Variants in SORCS1 observed in about 807,000 individuals in gnomAD.
SORCS1 encodes the protein sortilin related VPS10 domain containing receptor 1, also known as VPS10 domain-containing receptor SorCS1.
Under a neutral mutation model 146.1 loss-of-function variants are expected in SORCS1, and 60 were observed. The ratio of observed to expected loss-of-function variants is 0.41; its 90% confidence interval spans 0.33 to 0.51. SORCS1 has a LOEUF of 0.51. Ranked by LOEUF, SORCS1 falls within the 20% of genes least tolerant of loss-of-function variation. SORCS1 has a pLI of 0.21. For synonymous variants in SORCS1, 637 were observed against 584.0 expected, an observed-to-expected ratio of 1.09 and a Z score of -1.31; for missense variants, 1,352 against 1,487.6, an observed-to-expected ratio of 0.91 and a Z score of 1.50.
intron 1 of SORCS1, among the ~76,000 whole-genome samples, chr10:106,962,394 C>CAA (rs60616146): frequency 0.1 from 6,309 of 62,374 alleles, 439 homozygotes; most frequent in African/African-American, 0.15. Flanking sequence ...AACTCCATCT[C>CAA]AAAAAAAAAA....
chr10:106,948,363 A>T (rs571990400), intron 2 of SORCS1, among the ~76,000 whole-genome samples: 8 of 152,208 alleles, frequency 5.3e-5, no homozygotes, highest in African/African-American at 1.9e-4. Context: ...TTTTTTTTAA[A>T]AAAACATAGT....
chr10:107,115,573 C>T (rs1260525519), intron 1 of SORCS1, among the ~76,000 whole-genome samples: 5 of 152,010 alleles, frequency 3.3e-5, no homozygotes, highest in Admixed American at 6.6e-5. Context: ...AATTCTTTTA[C>T]TTAAACCATA....
At chr10:106,703,119 C>T (rs1053383149) in intron 8 of SORCS1, among the ~76,000 whole-genome samples, 2 of 151,004 alleles carry the variant, frequency 1.3e-5, no homozygotes, top group Admixed American at 6.6e-5. Context: ...TTACTAAGGA[C>T]ATTTTATTCT....
chr10:107,104,003 T>C (rs957897958), intron 1 of SORCS1, among the ~76,000 whole-genome samples: 3 of 152,242 alleles, frequency 2.0e-5, no homozygotes, highest in African/African-American at 7.2e-5. Flanking sequence ...GGATGGCAGA[T>C]TCGTCAGAAC....
intron 5 of SORCS1, among the ~76,000 whole-genome samples, chr10:106,737,461 G>A (rs569907075): frequency 1.3e-5 from 2 of 152,180 alleles, no homozygotes; most frequent in Non-Finnish European, 2.9e-5. Context: ...GGGTGGTGCA[G>A]GCATGGTGGC....
At chr10:107,090,418 A>G (rs1964102775) in intron 1 of SORCS1, among the ~76,000 whole-genome samples, 1 of 152,178 alleles carries the variant, frequency 6.6e-6, no homozygotes, top group Non-Finnish European at 1.5e-5. Context: ...AGCACAGAGG[A>G]GTTTGGACTT....
At chr10:107,156,034 A>C (rs139766308) in intron 1 of SORCS1, among the ~76,000 whole-genome samples, 1 of 152,218 alleles carries the variant, frequency 6.6e-6, no homozygotes, top group African/African-American at 2.4e-5. Flanking sequence ...GAGGGCTTCA[A>C]CCCAAACAGC....
intron 19 of SORCS1, among the ~76,000 whole-genome samples, chr10:106,622,240 A>G (rs1048650876): frequency 7.4e-5 from 11 of 149,496 alleles, no homozygotes; most frequent in African/African-American, 2.7e-4. Context: ...CGGTGAGCCA[A>G]GATCACACCA....
chr10:106,695,335 TCTGTTTTCA>T lies in SORCS1; in HGVS notation c.1413+3870_1413+3878del, dbSNP rs535134716. On this transcript the variant is annotated intron_variant, in intron 9 of 25. Transcript: ENST00000263054. Reference sequence around the variant, plus strand: ...CCAGATCATTTTCTTCTTCCAGTCTTCTGTTTTCACTGGTATGCAAAGTCTAACCCTATT... The same window carrying T: ...CCAGATCATTTTCTTCTTCCAGTCTTCTGGTATGCAAAGTCTAACCCTATT... 5.9e-4 allele frequency among the ~76,000 whole-genome samples: 90 copies of T among 152,326 alleles called. No individual in the cohort carries two copies. The East Asian group carries it at 0.014, about 24-fold the overall frequency.
At chr10:106,980,454 T>C (rs1009260606) in intron 1 of SORCS1, among the ~76,000 whole-genome samples, 1 of 152,218 alleles carries the variant, frequency 6.6e-6, no homozygotes, top group African/African-American at 2.4e-5. Context: ...AGCAACTCTG[T>C]CCTGTTTATA....
At chr10:107,132,228 A>C (rs1203974268) in intron 1 of SORCS1, among the ~76,000 whole-genome samples, 1 of 152,010 alleles carries the variant, frequency 6.6e-6, no homozygotes, top group Non-Finnish European at 1.5e-5. Context: ...TATAAACTCC[A>C]GGCAATCCCA....
chr10:106,601,560 C>A (rs1315793011), intron 23 of SORCS1, among the ~76,000 whole-genome samples: 2 of 152,192 alleles, frequency 1.3e-5, no homozygotes, highest in Admixed American at 6.5e-5. Flanking sequence ...AGGGAAAACA[C>A]CAATGTTCCT....
intron 18 of SORCS1, among the ~76,000 whole-genome samples, chr10:106,647,078 C>T (rs1256277625): frequency 6.8e-6 from 1 of 147,060 alleles, no homozygotes; most frequent in Non-Finnish European, 1.5e-5. Flanking sequence ...GAGTCACCTT[C>T]AAAAGTATCT....
At chr10:106,924,466 G>GATCGATCT (rs765787084) in intron 2 of SORCS1, among the ~76,000 whole-genome samples, 18 of 130,664 alleles carry the variant, frequency 1.4e-4, no homozygotes, top group East Asian at 2.3e-4. Flanking sequence ...CACAGTTATC[G>GATCGATCT]ATCTATCTAT....
chr10:106,967,113 CAAA>C (rs34653353), intron 1 of SORCS1, among the ~76,000 whole-genome samples: 2 of 144,430 alleles, frequency 1.4e-5, no homozygotes, highest in Non-Finnish European at 1.5e-5. Context: ...GCTATCCACT[CAAA>C]AAAAAAAAAA....
intron 2 of SORCS1, among the ~76,000 whole-genome samples, chr10:106,910,371 AT>A (rs1952094697): frequency 6.6e-6 from 1 of 151,944 alleles, no homozygotes; most frequent in Non-Finnish European, 1.5e-5. Flanking sequence ...AGAGGGCCAC[AT>A]TTTATATAGT....
chr10:106,707,062 T>C (rs2135813559), intron 7 of SORCS1, among the ~76,000 whole-genome samples: 1 of 152,240 alleles, frequency 6.6e-6, no homozygotes, highest in Non-Finnish European at 1.5e-5. Context: ...GGCACTGAAT[T>C]CCAGTTTGAT....
intron 1 of SORCS1, among the ~76,000 whole-genome samples, chr10:106,993,065 C>G (rs1020024877): frequency 2.0e-5 from 3 of 151,752 alleles, no homozygotes; most frequent in Non-Finnish European, 4.4e-5. Flanking sequence ...CTCCTGACCT[C>G]GTGATCTGCC....
At chr10:107,010,550 G>A (rs970277551) in intron 1 of SORCS1, among the ~76,000 whole-genome samples, 4 of 152,162 alleles carry the variant, frequency 2.6e-5, no homozygotes, top group South Asian at 4.1e-4. Flanking sequence ...CTCCCCTGCA[G>A]ATGTGTTTCT....
Sources: gnomAD v4.1 joint callset for allele counts (sites outside exome capture counted in the v4.1 genomes callset) on GRCh38, gnomAD v4.1.1 for gene constraint, MANE v1.5 for transcripts, NCBI Gene and HGNC (gene_info 2026-07-23, HGNC 2026-07-21) for gene names.